Variants in PSD3 observed in about 807,000 individuals in gnomAD.
PSD3 encodes the protein PH and SEC7 domain-containing protein 3.
A neutral mutation model predicts 105.5 loss-of-function variants in PSD3; 49 were observed. The observed-to-expected ratio is 0.46, with a 90% CI of 0.37 to 0.59. PSD3 has a LOEUF of 0.59. Ranked by LOEUF, PSD3 falls within the 20% of genes least tolerant of loss-of-function variation. PSD3 has a pLI of 0.00. For synonymous variants in PSD3, 557 were observed against 457.8 expected (o/e 1.22, Z -2.77); for missense variants, 1,561 against 1,263.8 (o/e 1.24, Z -3.57).
chr8:18,661,989 A>C (rs973322364), intron 9 of PSD3, among the ~76,000 whole-genome samples: 7 of 149,096 alleles, frequency 4.7e-5, no homozygotes, highest in Non-Finnish European at 1.0e-4. Context: ...AACATGCTTG[A>C]ATTTTTTTTT....
At chr8:18,962,337 T>C (rs891037928) in intron 1 of PSD3, among the ~76,000 whole-genome samples, 1 of 152,344 alleles carries the variant, frequency 6.6e-6, no homozygotes, top group African/African-American at 2.4e-5. Flanking sequence ...AAATAATTGA[T>C]GAAATAAATT....
intron 8 of PSD3, among the ~76,000 whole-genome samples, chr8:18,777,275 T>C (rs1452685632): frequency 1.3e-5 from 2 of 152,050 alleles, no homozygotes; most frequent in East Asian, 3.9e-4. Context: ...TCTCCTGACC[T>C]CCTGATCCAC....
intron 4 of PSD3, among the ~76,000 whole-genome samples, chr8:18,808,144 T>C (rs1210952670): frequency 6.6e-6 from 1 of 152,224 alleles, no homozygotes; most frequent in African/African-American, 2.4e-5. Context: ...TTCCAAGAAC[T>C]ACGTTAATTA....
intron 1 of PSD3, among the ~76,000 whole-genome samples, chr8:18,961,632 A>G (rs1201531909): frequency 2.0e-5 from 3 of 152,186 alleles, no homozygotes; most frequent in African/African-American, 7.2e-5. Context: ...CGGAGGTTGC[A>G]GCGAGCCGAG....
intron 10 of PSD3, among the ~76,000 whole-genome samples, chr8:18,654,895 C>G (rs1174461417): frequency 6.6e-6 from 1 of 151,972 alleles, no homozygotes. Context: ...AGGAAATAAA[C>G]CTGGAAAGCC....
intron 11 of PSD3, among the ~76,000 whole-genome samples, chr8:18,622,825 T>C (rs767678305): frequency 6.6e-6 from 1 of 152,198 alleles, no homozygotes; most frequent in Non-Finnish European, 1.5e-5. Context: ...CGGATCTCTC[T>C]CCCTGCTCCC....
At chr8:18,681,655 G>A (rs1479843052) in intron 9 of PSD3, among the ~76,000 whole-genome samples, 3 of 151,856 alleles carry the variant, frequency 2.0e-5, no homozygotes, top group Admixed American at 6.6e-5. Flanking sequence ...GTAATTTAGG[G>A]TACAAGCCTG....
At chr8:18,540,129 G>A (rs2050183973) in intron 15 of PSD3, among the ~76,000 whole-genome samples, 1 of 152,222 alleles carries the variant, frequency 6.6e-6, no homozygotes, top group Non-Finnish European at 1.5e-5. Context: ...TTTGGCCCCT[G>A]ACATGTAAGT....
intron 9 of PSD3, among the ~76,000 whole-genome samples, chr8:18,686,888 T>C (rs975672608): frequency 2.0e-5 from 3 of 152,192 alleles, no homozygotes; most frequent in Admixed American, 1.3e-4. Context: ...TGGCTTCTCC[T>C]CATTCAGCAG....
intron 1 of PSD3, among the ~76,000 whole-genome samples, chr8:18,942,399 C>A (rs968869873): frequency 3.3e-5 from 5 of 152,154 alleles, no homozygotes; most frequent in African/African-American, 7.2e-5. Flanking sequence ...CAGGGAGCCA[C>A]GCACAACTTA....
At chr8:18,778,447 G>C (rs1808298905) in intron 8 of PSD3, among the ~76,000 whole-genome samples, 1 of 152,030 alleles carries the variant, frequency 6.6e-6, no homozygotes, top group African/African-American at 2.4e-5. Flanking sequence ...AAACGTGGAT[G>C]CATTTCTTTT....
At chr8:19,077,259 G>T (rs898686573) in intron 1 of PSD3, among the ~76,000 whole-genome samples, 1 of 152,192 alleles carries the variant, frequency 6.6e-6, no homozygotes, top group African/African-American at 2.4e-5. Flanking sequence ...ATATAACATT[G>T]TAAGTGCTTG....
At chr8:18,554,303 T>C (rs1290261282) in intron 15 of PSD3, among the ~76,000 whole-genome samples, 1 of 152,182 alleles carries the variant, frequency 6.6e-6, no homozygotes, top group Admixed American at 6.5e-5. Context: ...AGAATAATGA[T>C]TGCTTTTTGA....
At chr8:18,635,121 G>C (rs1264373573) in intron 10 of PSD3, among the ~76,000 whole-genome samples, 7 of 151,856 alleles carry the variant, frequency 4.6e-5, no homozygotes. Flanking sequence ...TTGCAGCTTT[G>C]GCCATTGGGA....
rs951078811 is a variant in PSD3 at position 18,826,336 on chromosome 8, G to A, written c.1635-21438C>T. Among the ~76,000 whole-genome samples, 15 of 152,236 alleles carry A rather than the reference G, an allele frequency of 9.9e-5. No individual in the cohort carries two copies. The South Asian group carries it at 3.1e-3, about 32-fold the overall frequency. Reference sequence around the variant, plus strand: ...TAATGAATCTCATGATAGATAGATAGCACCTATTGATTCAATTTCTCTGGA... The same window carrying A: ...TAATGAATCTCATGATAGATAGATAACACCTATTGATTCAATTTCTCTGGA... On this transcript the variant is annotated intron_variant, in intron 4 of 15. Coordinates refer to ENST00000327040, the MANE Select transcript of PSD3 (RefSeq NM_015310.4).
chr8:18,717,642 C>A (rs528726258), intron 9 of PSD3, among the ~76,000 whole-genome samples: 2 of 152,092 alleles, frequency 1.3e-5, no homozygotes, highest in African/African-American at 4.8e-5. Context: ...TTACTTTCTC[C>A]AAAGCAGCCA....
chr8:18,755,568 T>C (rs909804954), intron 9 of PSD3, among the ~76,000 whole-genome samples: 4 of 152,130 alleles, frequency 2.6e-5, no homozygotes, highest in African/African-American at 9.7e-5. Flanking sequence ...CATGATCAAA[T>C]TGAAAATAAA....
intron 4 of PSD3, among the ~76,000 whole-genome samples, chr8:18,809,853 C>A (rs1195832926): frequency 6.6e-6 from 1 of 151,428 alleles, no homozygotes; most frequent in Non-Finnish European, 1.5e-5. Context: ...CCTCTAAATA[C>A]AAAAAAAACA....
intron 1 of PSD3, among the ~76,000 whole-genome samples, chr8:18,964,862 T>C (rs1001213095): frequency 3.3e-4 from 51 of 152,342 alleles, no homozygotes; most frequent in Admixed American, 1.1e-3. Flanking sequence ...TCAGGAACTA[T>C]AATTATTTGT....
Sources: allele counts gnomAD v4.1 joint callset (sites outside exome capture counted in the v4.1 genomes callset), GRCh38; gene constraint gnomAD v4.1.1; transcripts MANE v1.5; gene names NCBI Gene and HGNC (gene_info 2026-07-23, HGNC 2026-07-21).